The following ACTR6 variants were observed in gnomAD, a reference collection of about 807,000 sequenced individuals.
ACTR6 encodes actin related protein 6.
In ACTR6, 50 loss-of-function variants were observed where a neutral mutation model predicts 52.5. The ratio of observed to expected loss-of-function variants is 0.95; its 90% CI spans 0.76 to 1.20. The LOEUF is 1.20. Among genes scored for constraint, ACTR6 ranks in the 50% most tolerant of loss-of-function variants. The pLI, the probability that ACTR6 is intolerant of heterozygous loss-of-function variation, is 0.00. For missense variants in ACTR6, 344 were observed against 472.4 expected, an observed-to-expected ratio of 0.73 and a Z score of 2.52; for synonymous variants, 135 against 147.2, an observed-to-expected ratio of 0.92 and a Z score of 0.60.
intron 1 of ACTR6, among the ~76,000 whole-genome samples, chr12:100,202,473 C>A (rs1243361901): frequency 6.6e-6 from 1 of 151,318 alleles, no homozygotes; most frequent in Admixed American, 6.6e-5. Context: ...GTGAAATAAG[C>A]AGGTGTAAAA....
intron 8 of ACTR6, among the ~76,000 whole-genome samples, chr12:100,216,383 CCTCAACTCCTGGG>C (rs1284375941): frequency 6.6e-6 from 1 of 152,216 alleles, no homozygotes; most frequent in Non-Finnish European, 1.5e-5. Flanking sequence ...CCCAGGCTAG[CCTCAACTCCTGGG>C]CCCAAGTGAT....
rs751590872 is a variant in ACTR6 at position 100,218,469 on chromosome 12, C to T, written c.805C>T (p.Arg269Cys). The change falls in exon 9 of 11, where the codon CGT becomes TGT. Residue 269 changes from arginine to cysteine, a missense_variant. Coordinates refer to ENST00000188312, the MANE Select transcript of ACTR6 (RefSeq NM_022496.5). The surrounding 1 kb of genome is among the most constrained non-coding windows in gnomAD (Gnocchi z 4.2). The part of the protein sequence containing the change: ...GKYKSGEQIL[R>C]LANERFAVPE... ...ATACAAATCTGGGGAACAAATTCTT[C>T]GTTTGGCCAATGAGAGATTTGCTGT... 6.2e-6 allele frequency: 10 copies of T among 1,609,730 alleles called. No homozygotes were observed. The highest frequency in any genetic ancestry group is 6.8e-6 in the Non-Finnish European group (8 of 1,178,118).
At chr12:100,201,088 A>G in intron 1 of ACTR6, 169 bp downstream of exon 1, 1 of 1,453,380 alleles carries the variant, frequency 6.9e-7, no homozygotes, top group Non-Finnish European at 9.1e-7. Flanking sequence ...TTTGAATTGA[A>G]ATTGATTTTG....
intron 4 of ACTR6, 121 bp downstream of exon 4, chr12:100,207,907 C>A (rs1479972330): frequency 9.0e-7 from 1 of 1,109,312 alleles, no homozygotes; most frequent in Non-Finnish European, 1.3e-6. Context: ...ACACCTGTAA[C>A]CCCATCAGTT....
At chr12:100,202,460 T>C (rs1321479501) in intron 1 of ACTR6, among the ~76,000 whole-genome samples, 1 of 152,132 alleles carries the variant, frequency 6.6e-6, no homozygotes, top group Non-Finnish European at 1.5e-5. Context: ...GACAGTATTA[T>C]AAGTGAAATA....
At chr12:100,203,051 C>T (rs1489791987) in intron 1 of ACTR6, among the ~76,000 whole-genome samples, 1 of 152,134 alleles carries the variant, frequency 6.6e-6, no homozygotes, top group Non-Finnish European at 1.5e-5. Flanking sequence ...AACTATATCC[C>T]TTGCATGCAC....
chr12:100,213,494 A>G (rs2096121609), intron 8 of ACTR6, among the ~76,000 whole-genome samples: 1 of 152,250 alleles, frequency 6.6e-6, no homozygotes, highest in African/African-American at 2.4e-5. Context: ...AAAAAGAACT[A>G]TCAGCCAAAA....
chr12:100,217,680 G>A (rs2035007153), intron 8 of ACTR6, among the ~76,000 whole-genome samples: 1 of 152,018 alleles, frequency 6.6e-6, no homozygotes, highest in Non-Finnish European at 1.5e-5. Context: ...AGCATTATAA[G>A]GTAAGTTCAA....
At chr12:100,208,959 C>T in intron 4 of ACTR6, 2 of 346,678 alleles carry the variant, frequency 5.8e-6, no homozygotes, top group Non-Finnish European at 1.1e-5. Flanking sequence ...GTTGCCTAGG[C>T]TGGTCTCGAA....
chr12:100,201,064 G>A, intron 1 of ACTR6, 145 bp downstream of exon 1: 4 of 1,507,364 alleles, frequency 2.7e-6, no homozygotes, highest in Non-Finnish European at 3.5e-6. Flanking sequence ...GAGCTGGGTG[G>A]GTGATTGTGA....
intron 3 of ACTR6, chr12:100,206,066 G>A (rs188862621): frequency 2.8e-4 from 48 of 172,326 alleles, no homozygotes; most frequent in African/African-American, 1.1e-3. Context: ...TCTGTAATGT[G>A]ATTATAGGTA....
In ACTR6 at chr12:100,224,036, T is replaced by G. The variant is rs181695556; in HGVS notation, c.*121T>G. 19 of 1,124,716 alleles carry G rather than the reference T, an allele frequency of 1.7e-5. No homozygotes were observed. In the African/African-American group the frequency reaches 2.9e-4, roughly 17 times the overall value. 69.7% of individuals were successfully genotyped at this position (1,124,716 alleles called of 1,614,324 possible). A position where few individuals can be genotyped will look rare whatever the true frequency, so the allele number is the denominator to read the frequency against. ...AAAGGCTTGAATTTATGTAAATACT[T>G]TGATCGATTGCTAATTTTCAAAGGC... On this transcript the variant is annotated 3_prime_UTR_variant, in exon 11 of 11. Transcript: ENST00000188312.
chr12:100,204,611 C>T (rs1009704891), intron 1 of ACTR6, among the ~76,000 whole-genome samples: 27 of 152,120 alleles, frequency 1.8e-4, no homozygotes, highest in African/African-American at 5.3e-4. Flanking sequence ...GTGATCCATC[C>T]GCCTTTGCCT....
At chr12:100,217,133 G>A (rs2096124462) in intron 8 of ACTR6, among the ~76,000 whole-genome samples, 1 of 152,260 alleles carries the variant, frequency 6.6e-6, no homozygotes, top group South Asian at 2.1e-4. Context: ...GTGTTACAGG[G>A]TTATATGAGA....
In ACTR6 at chr12:100,218,548, C is replaced by A. The variant is rs568191544; in HGVS notation, c.884C>A (p.Pro295Gln). ...ATAGGCATTCAAGAAATGGGAATTC[C>A]AGAAGCTATTGTCTATTCAATTCAA... ...SDIGIQEMGI[P>Q]EAIVYSIQNL... Residue 295 changes from proline (P) to glutamine (Q), a missense_variant, in exon 9 of 11, where the codon CCA becomes CAA. Physicochemically the swap from Pro to Gln is moderately conservative, Grantham distance 76 (BLOSUM62 -1). Transcript: ENST00000188312. The surrounding 1 kb of genome is among the most constrained non-coding windows in gnomAD (Gnocchi z 4.2). The A allele has an allele frequency of 2.5e-6, 4 of 1,573,250 alleles. No individual in the cohort carries two copies. The highest frequency in any genetic ancestry group is 4.7e-5 in the East Asian group (2 of 42,210).
At chr12:100,221,277 T>G (rs982030720) in intron 10 of ACTR6, among the ~76,000 whole-genome samples, 1 of 152,204 alleles carries the variant, frequency 6.6e-6, no homozygotes, top group African/African-American at 2.4e-5. Context: ...ACCTGACTCT[T>G]AATTCTAGAG....
intron 8 of ACTR6, among the ~76,000 whole-genome samples, chr12:100,215,039 A>G (rs548535294): frequency 3.3e-5 from 5 of 152,306 alleles, no homozygotes; most frequent in African/African-American, 1.2e-4. Context: ...GGTACTCTAT[A>G]GGGTTAATAG....
chr12:100,220,652 T>C (rs1592849481), intron 10 of ACTR6, among the ~76,000 whole-genome samples: 1 of 152,094 alleles, frequency 6.6e-6, no homozygotes, highest in African/African-American at 2.4e-5. Context: ...CTGTACAGTG[T>C]TATATGAGAA....
chr12:100,207,760 A>G lies in ACTR6; in HGVS notation c.353A>G (p.Gln118Arg). 1 of 1,598,064 alleles carries G rather than the reference A, an allele frequency of 6.3e-7. No individual in the cohort carries two copies. Among genetic ancestry groups the G allele is most frequent in the South Asian group, 1.1e-5 (1 of 90,622 alleles). ...AATGAAATTCTATTTGAAGAATACCAGTTTCAAGCAGTATTAAGAGTAAAT... is the reference window on the plus strand; with the variant it reads ...AATGAAATTCTATTTGAAGAATACCGGTTTCAAGCAGTATTAAGAGTAAAT... ...SMNEILFEEYQFQAVLRVNAG... is the reference protein window; with the variant it reads ...SMNEILFEEYRFQAVLRVNAG... Residue 118 changes from glutamine (Q) to arginine (R), a missense_variant, in exon 4 of 11, where the codon CAG (glutamine) becomes CGG (arginine). Physicochemically the swap from Gln to Arg is conservative, Grantham distance 43 (BLOSUM62 1). Coordinates refer to ENST00000188312, the MANE Select transcript of ACTR6 (RefSeq NM_022496.5).
Sources: allele counts gnomAD v4.1 joint callset (sites outside exome capture counted in the v4.1 genomes callset), GRCh38; gene constraint gnomAD v4.1.1; non-coding constraint Gnocchi (gnomAD v3.1); transcripts MANE v1.5; gene names NCBI Gene and HGNC (gene_info 2026-07-23, HGNC 2026-07-21).